Variants in TMEM132D observed in about 807,000 individuals in gnomAD.
TMEM132D encodes the protein mature OL transmembrane protein.
Under a neutral mutation model 62.3 loss-of-function variants are expected in TMEM132D, and 21 were observed. That is an observed-to-expected ratio of 0.34 (90% confidence interval 0.24 to 0.49). The LOEUF (loss-of-function observed/expected upper bound fraction) is 0.49. Ranked by LOEUF, TMEM132D falls within the 20% of genes least tolerant of loss-of-function variation. TMEM132D has a pLI of 0.99. For missense variants in TMEM132D, 1,346 were observed against 1,402.8 expected (o/e 0.96, Z 0.65); for synonymous variants, 621 against 575.6 (o/e 1.08, Z -1.13).
chr12:129,612,025 T>C (rs1426533437), intron 2 of TMEM132D, among the ~76,000 whole-genome samples: 1 of 152,102 alleles, frequency 6.6e-6, no homozygotes, highest in Non-Finnish European at 1.5e-5. Context: ...TGGCTCTTCA[T>C]AGAAAGGAGA....
At chr12:129,091,486 A>G (rs1279799981) in intron 5 of TMEM132D, among the ~76,000 whole-genome samples, 3 of 149,826 alleles carry the variant, frequency 2.0e-5, no homozygotes, top group Non-Finnish European at 4.4e-5. Context: ...TGGAGACCTT[A>G]CCTATGCTCA....
chr12:129,881,284 C>T (rs959782661), intron 1 of TMEM132D, among the ~76,000 whole-genome samples: 1 of 151,910 alleles, frequency 6.6e-6, no homozygotes, highest in Non-Finnish European at 1.5e-5. Context: ...GTACTCCTCT[C>T]AGTAATAGAA....
chr12:129,298,304 C>G (rs1489458095), intron 4 of TMEM132D, among the ~76,000 whole-genome samples: 1 of 152,142 alleles, frequency 6.6e-6, no homozygotes, highest in African/African-American at 2.4e-5. Flanking sequence ...CACACTTCTG[C>G]TTTTTAATGT....
intron 4 of TMEM132D, among the ~76,000 whole-genome samples, chr12:129,279,692 C>T (rs1052661735): frequency 2.6e-5 from 4 of 152,046 alleles, no homozygotes; most frequent in African/African-American, 7.2e-5. Context: ...TATATTCTCA[C>T]GAGCGAAAAC....
intron 5 of TMEM132D, among the ~76,000 whole-genome samples, chr12:129,098,134 C>T (rs1248268054): frequency 6.6e-6 from 1 of 152,186 alleles, no homozygotes; most frequent in South Asian, 2.1e-4. Flanking sequence ...TGACGTGACT[C>T]AAGTTCAAGA....
chr12:129,538,164 A>G (rs1876457285), intron 2 of TMEM132D, among the ~76,000 whole-genome samples: 1 of 152,224 alleles, frequency 6.6e-6, no homozygotes, highest in South Asian at 2.1e-4. Context: ...GCCTCAATCA[A>G]TGGACACACA....
At position 129,295,073 on chromosome 12, in the gene TMEM132D, G is replaced by A. The variant is rs147619598; in HGVS notation, c.1299+42561C>T. On this transcript the variant is annotated intron_variant, in intron 4 of 8. Coordinates refer to ENST00000422113, the MANE Select transcript of TMEM132D (RefSeq NM_133448.3). ...GTGGGTGGGCCTCATCCAATCAGTC[G>A]AAGGCTTACATAGAACAAAAAGATT... Among the ~76,000 whole-genome samples the A allele has an allele frequency of 3.7e-3, 567 of 152,196 alleles. 14 individuals carry two copies. The highest frequency in any genetic ancestry group is 0.032 in the Admixed American group (491 of 15,276).
At chr12:129,814,734 TACTA>T (rs1327773069) in intron 1 of TMEM132D, among the ~76,000 whole-genome samples, 23 of 152,094 alleles carry the variant, frequency 1.5e-4, no homozygotes, top group Admixed American at 6.6e-4. Flanking sequence ...TCAACCGCTC[TACTA>T]ACTGAGCTCT....
chr12:129,585,160 G>A (rs1025732675), intron 2 of TMEM132D, among the ~76,000 whole-genome samples: 1 of 152,148 alleles, frequency 6.6e-6, no homozygotes, highest in Non-Finnish European at 1.5e-5. Flanking sequence ...AGAGGCAATG[G>A]CATTTCATCC....
intron 1 of TMEM132D, among the ~76,000 whole-genome samples, chr12:129,716,700 C>G (rs1482736370): frequency 6.6e-6 from 1 of 151,962 alleles, no homozygotes; most frequent in Non-Finnish European, 1.5e-5. Context: ...GAGGATTATC[C>G]TGGATTATCT....
chr12:129,200,818 G>A (rs2135561153), intron 5 of TMEM132D, among the ~76,000 whole-genome samples: 1 of 152,318 alleles, frequency 6.6e-6, no homozygotes, highest in South Asian at 2.1e-4. Flanking sequence ...GCTGAAAATA[G>A]CTGCAGAAGA....
intron 5 of TMEM132D, among the ~76,000 whole-genome samples, chr12:129,153,954 C>T (rs1877156794): frequency 6.6e-6 from 1 of 152,192 alleles, no homozygotes; most frequent in Non-Finnish European, 1.5e-5. Flanking sequence ...GTGGCTGAGG[C>T]TTTTGTCCAT....
At chr12:129,172,599 A>T (rs1272907914) in intron 5 of TMEM132D, among the ~76,000 whole-genome samples, 2 of 152,192 alleles carry the variant, frequency 1.3e-5, no homozygotes, top group African/African-American at 4.8e-5. Flanking sequence ...CTTTTTTGAG[A>T]TAGAGTTTCA....
chr12:129,871,921 T>C (rs779223860), intron 1 of TMEM132D, among the ~76,000 whole-genome samples: 3 of 152,140 alleles, frequency 2.0e-5, no homozygotes, highest in African/African-American at 4.8e-5. Flanking sequence ...AGGCCAGGCC[T>C]ACAGGAACGG....
intron 5 of TMEM132D, among the ~76,000 whole-genome samples, chr12:129,156,005 A>G (rs113332796): frequency 1.6e-3 from 242 of 152,120 alleles, no homozygotes; most frequent in Middle Eastern, 3.4e-3. Flanking sequence ...CACTCCTGTG[A>G]TAACAAACTC....
intron 1 of TMEM132D, among the ~76,000 whole-genome samples, chr12:129,819,520 C>T (rs1872484352): frequency 6.6e-6 from 1 of 152,152 alleles, no homozygotes; most frequent in South Asian, 2.1e-4. Flanking sequence ...CGGCATTCAG[C>T]ACAAAACTTG....
intron 2 of TMEM132D, among the ~76,000 whole-genome samples, chr12:129,534,386 A>G (rs2137091867): frequency 6.6e-6 from 1 of 151,770 alleles, no homozygotes; most frequent in Non-Finnish European, 1.5e-5. Flanking sequence ...TTTTTAAAAC[A>G]TAATAGAACT....
chr12:129,352,962 A>G (rs1179493481), intron 3 of TMEM132D, among the ~76,000 whole-genome samples: 13 of 152,156 alleles, frequency 8.5e-5, no homozygotes, highest in Admixed American at 8.5e-4. Flanking sequence ...TTCTTAATAA[A>G]CTTGCTTTTG....
At chr12:129,187,420 G>A (rs879551282) in intron 5 of TMEM132D, among the ~76,000 whole-genome samples, 4 of 152,212 alleles carry the variant, frequency 2.6e-5, no homozygotes, top group Non-Finnish European at 5.9e-5. Context: ...GAGATAAGGT[G>A]AGTCTGGGAG....
Sources: allele counts gnomAD v4.1 joint callset (sites outside exome capture counted in the v4.1 genomes callset), GRCh38; gene constraint gnomAD v4.1.1; transcripts MANE v1.5; gene names NCBI Gene and HGNC (gene_info 2026-07-23, HGNC 2026-07-21).